The following FARS2 variants were observed in gnomAD, a reference collection of about 807,000 sequenced individuals.
FARS2 encodes the protein phenylalanine--tRNA ligase, mitochondrial.
A neutral mutation model predicts 46.4 loss-of-function variants in FARS2; 40 were observed. The observed-to-expected ratio is 0.86, with a 90% confidence interval of 0.67 to 1.12. FARS2 has a LOEUF of 1.12. Ranked by LOEUF, FARS2 falls within the 50% of genes most tolerant of loss-of-function variation. The probability of loss-of-function intolerance (pLI) is 0.00; values close to 1 mark genes in which losing one functional copy is unlikely to be tolerated. For missense variants in FARS2, 513 were observed against 567.9 expected, an observed-to-expected ratio of 0.90 and a Z score of 0.98; for synonymous variants, 234 against 214.9, an observed-to-expected ratio of 1.09 and a Z score of -0.78.
At chr6:5,619,260 T>G (rs990370068) in intron 6 of FARS2, among the ~76,000 whole-genome samples, 3 of 151,792 alleles carry the variant, frequency 2.0e-5, no homozygotes, top group African/African-American at 7.3e-5. Context: ...AATTGGGGAG[T>G]AAAATTTTTT....
At chr6:5,258,289 G>A (rs557697037), upstream of FARS2, among the ~76,000 whole-genome samples, 116 of 152,224 alleles carry the variant, frequency 7.6e-4, no homozygotes, top group Non-Finnish European at 1.1e-3. Context: ...GGCACAATTC[G>A]CAGGTCATTA....
At chr6:5,571,848 C>T (rs998080803) in intron 5 of FARS2, among the ~76,000 whole-genome samples, 2 of 152,100 alleles carry the variant, frequency 1.3e-5, no homozygotes, top group African/African-American at 4.8e-5. Flanking sequence ...TCCCTCTTTA[C>T]CCCCATCTGT....
At chr6:5,318,721 C>A in intron 1 of FARS2, among the ~76,000 whole-genome samples, 1 of 152,278 alleles carries the variant, frequency 6.6e-6, no homozygotes, top group Admixed American at 6.5e-5. Context: ...TTCCCCTTGG[C>A]TCACTCTATG....
intron 1 of FARS2, among the ~76,000 whole-genome samples, chr6:5,268,608 C>T (rs1189759837): frequency 2.6e-5 from 4 of 151,920 alleles, no homozygotes; most frequent in African/African-American, 4.8e-5. Context: ...TTATTGTAGC[C>T]TGGTAGTATA....
At chr6:5,501,328 A>C (rs7760403) in intron 4 of FARS2, among the ~76,000 whole-genome samples, 26,824 of 152,044 alleles carry the variant, frequency 0.18, 2,678 homozygotes, top group African/African-American at 0.27. Flanking sequence ...CATATGCTTC[A>C]TGGTAAGTTC....
intron 1 of FARS2, among the ~76,000 whole-genome samples, chr6:5,339,220 G>A (rs1460267808): frequency 6.6e-6 from 1 of 152,182 alleles, no homozygotes; most frequent in Non-Finnish European, 1.5e-5. Flanking sequence ...GTGCCAATGT[G>A]TAATGTTTTA....
rs1760326295 is a variant in FARS2, at chr6:5,727,260, C to A, written c.1218-44031C>A. On this transcript the variant is annotated intron_variant, in intron 6 of 6. Transcript: ENST00000274680. The surrounding 1 kb of genome is among the most constrained non-coding windows in gnomAD (Gnocchi z 4.1). ...TTCAGTGGTTCAGATGGTTCAAATG[C>A]AGCCTCCTCTATGAGGTTGGACCCC... 6.6e-6 allele frequency among the ~76,000 whole-genome samples: 1 copy of A among 152,214 alleles called. No individual in the cohort carries two copies.
At chr6:5,684,316 G>A (rs572479687) in intron 6 of FARS2, among the ~76,000 whole-genome samples, 67 of 152,132 alleles carry the variant, frequency 4.4e-4, no homozygotes, top group African/African-American at 1.4e-3. Flanking sequence ...TCTGCCGCAC[G>A]CCCATCACCT....
intron 2 of FARS2, among the ~76,000 whole-genome samples, chr6:5,395,260 A>G (rs918329450): frequency 2.2e-4 from 34 of 152,160 alleles, no homozygotes; most frequent in African/African-American, 8.2e-4. Flanking sequence ...CATGTTGGCC[A>G]GGCTGGTCTT....
chr6:5,379,516 C>T (rs1043928343), intron 2 of FARS2, among the ~76,000 whole-genome samples: 12 of 152,056 alleles, frequency 7.9e-5, no homozygotes, highest in East Asian at 5.8e-4. Flanking sequence ...AGGACTAAGA[C>T]GGGGACCCAG....
chr6:5,542,221 A>G (rs1770682134), intron 4 of FARS2, among the ~76,000 whole-genome samples: 1 of 152,116 alleles, frequency 6.6e-6, no homozygotes, highest in Non-Finnish European at 1.5e-5. Context: ...AATGCAGCCC[A>G]GCAGGTCTCA....
At chr6:5,616,010 T>TAAAAAAAAAAAAAAA (rs11327256) in intron 6 of FARS2, among the ~76,000 whole-genome samples, 2 of 95,830 alleles carry the variant, frequency 2.1e-5, no homozygotes, top group African/African-American at 3.9e-5. Flanking sequence ...CCATAGCTCT[T>TAAAAAAAAAAAAAAA]AAAAAAAAAA....
At chr6:5,529,001 A>G (rs1769651498) in intron 4 of FARS2, among the ~76,000 whole-genome samples, 1 of 152,184 alleles carries the variant, frequency 6.6e-6, no homozygotes, top group East Asian at 1.9e-4. Context: ...GCCTATCTTC[A>G]GAATCCTTTT....
chr6:5,609,504 C>A, intron 5 of FARS2: 5 of 1,221,936 alleles, frequency 4.1e-6, no homozygotes, highest in Non-Finnish European at 4.8e-6. Flanking sequence ...ATGGCTGCCA[C>A]CAAAGCCACC....
intron 5 of FARS2, among the ~76,000 whole-genome samples, chr6:5,552,441 C>G (rs2326644): frequency 0.7 from 106,483 of 151,948 alleles, 37,881 homozygotes; most frequent in Middle Eastern, 0.86. Context: ...TCCTTTTAGG[C>G]CCTCCTAAGT....
In FARS2 at chr6:5,458,399, AG is replaced by A. The variant is rs1765035232; in HGVS notation, c.904+27231del. Among the ~76,000 whole-genome samples, 6 of 152,274 alleles carry A rather than the reference AG, an allele frequency of 3.9e-5. No homozygotes were observed. In the South Asian group the frequency reaches 1.0e-3, roughly 26 times the overall value. On this transcript the variant is annotated intron_variant, in intron 4 of 6. Transcript: ENST00000274680. ...GGCTGAGGAGCACTGGAGCCCTAGA[AG>A]GGGACTGCTGTCCAGCCCCTTGGCC... is the stretch of plus-strand genomic sequence containing the variant.
intron 3 of FARS2, among the ~76,000 whole-genome samples, chr6:5,410,176 T>C (rs2127729595): frequency 6.8e-6 from 1 of 146,036 alleles, no homozygotes; most frequent in African/African-American, 2.6e-5. Flanking sequence ...TTTTTTGAGA[T>C]GGAGTCTCAC....
intron 1 of FARS2, among the ~76,000 whole-genome samples, chr6:5,348,212 T>C (rs1369259934): frequency 1.3e-5 from 2 of 152,190 alleles, no homozygotes; most frequent in East Asian, 3.9e-4. Flanking sequence ...CGATTACTGC[T>C]TTCTGTATTC....
intron 4 of FARS2, among the ~76,000 whole-genome samples, chr6:5,540,271 CATAAT>C (rs757382261): frequency 2.6e-5 from 4 of 152,308 alleles, no homozygotes; most frequent in East Asian, 1.9e-4. Context: ...TTTTGACAAA[CATAAT>C]AGAATGTAGA....
Sources: gnomAD v4.1 joint callset for allele counts (sites outside exome capture counted in the v4.1 genomes callset) on GRCh38, gnomAD v4.1.1 for gene constraint, Gnocchi (gnomAD v3.1) non-coding constraint, MANE v1.5 for transcripts, NCBI Gene and HGNC (gene_info 2026-07-23, HGNC 2026-07-21) for gene names.